GALNT13: variants seen among roughly 807,000 people sequenced by gnomAD.
GALNT13 encodes the protein polypeptide N-acetylgalactosaminyltransferase 13, also known as UDP-GalNAc:polypeptide N-acetylgalactosaminyltransferase 13.
Under a neutral mutation model 64.2 loss-of-function variants are expected in GALNT13, and 28 were observed. The observed-to-expected ratio is 0.44, with a 90% CI of 0.32 to 0.60. The LOEUF is 0.60. GALNT13 is among the 20% of genes least tolerant of loss of function. The probability of loss-of-function intolerance (pLI) is 0.05; values close to 1 mark genes in which losing one functional copy is unlikely to be tolerated. For missense variants in GALNT13, 577 were observed against 669.8 expected (o/e 0.86, Z 1.53); for synonymous variants, 214 against 224.6 (o/e 0.95, Z 0.42).
chr2:154,037,171 T>C lies in GALNT13; in HGVS notation c.142+92532T>C, dbSNP rs796992631. ...GTTTTGAATTAAGGTATAACCTGTT[T>C]TTCTTGTGGAGTGTATGCAATAGAA... On this transcript the variant is annotated intron_variant, in intron 3 of 12. Transcript: ENST00000392825. 9.2e-5 allele frequency among the ~76,000 whole-genome samples: 14 copies of C among 152,276 alleles called. 1 individual carries two copies. Among genetic ancestry groups the C allele is most frequent in the African/African-American group, 3.4e-4 (14 of 41,564 alleles).
the GALNT13 span, among the ~76,000 whole-genome samples, chr2:153,129,438 A>T: frequency 6.6e-6 from 1 of 152,162 alleles, no homozygotes; most frequent in Non-Finnish European, 1.5e-5. Flanking sequence ...AGGCAAAAGG[A>T]GGTCAATCAG....
the GALNT13 span, among the ~76,000 whole-genome samples, chr2:153,237,315 C>A: frequency 6.6e-6 from 1 of 152,090 alleles, no homozygotes; most frequent in African/African-American, 2.4e-5. Context: ...TTCATCACCT[C>A]AAGCATTTAT....
intron 9 of GALNT13, among the ~76,000 whole-genome samples, chr2:154,336,614 C>A (rs145202695): frequency 2.4e-4 from 36 of 152,064 alleles, no homozygotes; most frequent in African/African-American, 8.0e-4. Flanking sequence ...TGGAAAATGT[C>A]CATTAAGCAA....
intron 9 of GALNT13, among the ~76,000 whole-genome samples, chr2:154,304,859 A>G (rs1693644580): frequency 6.6e-6 from 1 of 152,242 alleles, no homozygotes; most frequent in Non-Finnish European, 1.5e-5. Flanking sequence ...TGTTGAAGAT[A>G]TCTAAGAACT....
At chr2:153,273,523 T>G in the GALNT13 span, among the ~76,000 whole-genome samples, 1 of 152,158 alleles carries the variant, frequency 6.6e-6, no homozygotes, top group Non-Finnish European at 1.5e-5. Context: ...GGATTTGTTA[T>G]CAGTTGAAAT....
At chr2:153,107,949 A>C in the GALNT13 span, among the ~76,000 whole-genome samples, 1 of 152,120 alleles carries the variant, frequency 6.6e-6, no homozygotes, top group Non-Finnish European at 1.5e-5. Flanking sequence ...AAAAGAACAC[A>C]CTGTCTTACC....
intron 3 of GALNT13, among the ~76,000 whole-genome samples, chr2:154,138,049 C>A (rs1683049663): frequency 6.6e-6 from 1 of 151,976 alleles, no homozygotes; most frequent in Non-Finnish European, 1.5e-5. Context: ...TGGAATGGAC[C>A]TATGCAAACA....
intron 9 of GALNT13, among the ~76,000 whole-genome samples, chr2:154,365,852 T>TCA (rs1387066542): frequency 1.2e-4 from 18 of 152,356 alleles, no homozygotes; most frequent in African/African-American, 4.3e-4. Flanking sequence ...TTCTGAATGA[T>TCA]GTCTTCAATG....
At chr2:154,100,936 T>G (rs1702315363) in intron 3 of GALNT13, among the ~76,000 whole-genome samples, 1 of 145,758 alleles carries the variant, frequency 6.9e-6, no homozygotes, top group South Asian at 2.2e-4. Flanking sequence ...GTTTATCAAG[T>G]GATTTTTTTT....
At chr2:153,244,413 T>A in the GALNT13 span, among the ~76,000 whole-genome samples, 1 of 152,184 alleles carries the variant, frequency 6.6e-6, no homozygotes, top group African/African-American at 2.4e-5. Context: ...TTGAGACCAA[T>A]GCAGAAGGTG....
chr2:153,331,766 C>T, the GALNT13 span, among the ~76,000 whole-genome samples: 3 of 152,068 alleles, frequency 2.0e-5, no homozygotes, highest in Non-Finnish European at 4.4e-5. Context: ...TACCCAAGAT[C>T]AATACTTTGT....
chr2:153,564,923 A>C, the GALNT13 span, among the ~76,000 whole-genome samples: 2 of 152,166 alleles, frequency 1.3e-5, no homozygotes, highest in Admixed American at 6.5e-5. Context: ...CAAATTGTAA[A>C]CTGCCTATGG....
At chr2:153,495,573 C>A in the GALNT13 span, among the ~76,000 whole-genome samples, 1 of 152,036 alleles carries the variant, frequency 6.6e-6, no homozygotes. Flanking sequence ...AACAAGCAAA[C>A]AAAAACCAAA....
chr2:153,264,593 A>G, the GALNT13 span, among the ~76,000 whole-genome samples: 1 of 152,256 alleles, frequency 6.6e-6, no homozygotes. Flanking sequence ...TGAATCATGG[A>G]ATACTATTCA....
chr2:154,198,572 T>C (rs574302051), intron 4 of GALNT13, among the ~76,000 whole-genome samples: 29 of 152,002 alleles, frequency 1.9e-4, no homozygotes, highest in Admixed American at 2.0e-4. Flanking sequence ...GCACTGAAAA[T>C]GATTGTAACT....
the GALNT13 span, among the ~76,000 whole-genome samples, chr2:153,804,234 T>G: frequency 1.3e-5 from 2 of 152,238 alleles, no homozygotes; most frequent in African/African-American, 4.8e-5. Flanking sequence ...AGTGGTCTGG[T>G]CATGGCCCAC....
At chr2:154,337,590 T>G (rs1290290348) in intron 9 of GALNT13, among the ~76,000 whole-genome samples, 1 of 152,054 alleles carries the variant, frequency 6.6e-6, no homozygotes, top group East Asian at 1.9e-4. Flanking sequence ...CATTTCAGCT[T>G]TTGTTGTATG....
At chr2:153,909,171 C>A (rs1025364059) in intron 2 of GALNT13, among the ~76,000 whole-genome samples, 7 of 152,018 alleles carry the variant, frequency 4.6e-5, no homozygotes, top group Non-Finnish European at 7.4e-5. Flanking sequence ...AATGGGATTG[C>A]TTTCCTGACT....
At chr2:153,896,535 A>G (rs1687908016) in intron 1 of GALNT13, among the ~76,000 whole-genome samples, 1 of 152,016 alleles carries the variant, frequency 6.6e-6, no homozygotes, top group Non-Finnish European at 1.5e-5. Flanking sequence ...TTATTCAAAA[A>G]CATTTATGAT....
Sources: gnomAD v4.1 joint callset for allele counts (sites outside exome capture counted in the v4.1 genomes callset) on GRCh38, gnomAD v4.1.1 for gene constraint, MANE v1.5 for transcripts, NCBI Gene and HGNC (gene_info 2026-07-23, HGNC 2026-07-21) for gene names.